DGKB: variants seen among roughly 807,000 people sequenced by gnomAD.
DGKB encodes the protein diacylglycerol kinase beta.
A neutral mutation model predicts 114.3 loss-of-function variants in DGKB; 67 were observed. The ratio of observed to expected loss-of-function variants is 0.59; its 90% CI spans 0.48 to 0.72. The LOEUF is 0.72. DGKB is among the 30% of genes least tolerant of loss of function. The pLI is 0.00. For synonymous variants in DGKB, 398 were observed against 323.1 expected (o/e 1.23, Z -2.49); for missense variants, 907 against 975.2 (o/e 0.93, Z 0.93).
chr7:14,522,079 G>C (rs1345607356), intron 20 of DGKB, among the ~76,000 whole-genome samples: 1 of 152,040 alleles, frequency 6.6e-6, no homozygotes, highest in Non-Finnish European at 1.5e-5. Context: ...GTTACACATA[G>C]CTTAGCGTTC....
chr7:14,162,248 T>G, intron 25 of DGKB, among the ~76,000 whole-genome samples: 1 of 152,214 alleles, frequency 6.6e-6, no homozygotes, highest in Non-Finnish European at 1.5e-5. Context: ...GAAAGATTTC[T>G]AACTGCTAAA....
chr7:14,412,507 G>A (rs539707805), intron 21 of DGKB, among the ~76,000 whole-genome samples: 16 of 152,286 alleles, frequency 1.1e-4, no homozygotes, highest in Non-Finnish European at 2.2e-4. Flanking sequence ...AGGAGCAAAG[G>A]AATTTGGTGT....
chr7:14,681,121 AC>A (rs1016853681), intron 12 of DGKB, among the ~76,000 whole-genome samples: 1 of 149,892 alleles, frequency 6.7e-6, no homozygotes, highest in African/African-American at 2.4e-5. Context: ...AAAAAAAAAA[AC>A]TGGTTTTTAA....
At chr7:14,444,435 A>G (rs1016158123) in intron 21 of DGKB, among the ~76,000 whole-genome samples, 2 of 151,790 alleles carry the variant, frequency 1.3e-5, no homozygotes, top group African/African-American at 2.4e-5. Context: ...AACATTATAT[A>G]ATAGTTGACA....
intron 2 of DGKB, among the ~76,000 whole-genome samples, chr7:14,766,794 C>T (rs1213598513): frequency 6.6e-6 from 1 of 151,804 alleles, no homozygotes; most frequent in Non-Finnish European, 1.5e-5. Context: ...GAGATGCAAT[C>T]TGCTAGGAAA....
intron 23 of DGKB, among the ~76,000 whole-genome samples, chr7:14,327,768 A>G (rs779120457): frequency 1.3e-5 from 2 of 152,160 alleles, no homozygotes; most frequent in South Asian, 2.1e-4. Flanking sequence ...AAAAAAAGAC[A>G]ACAATACCGA....
chr7:14,746,498 C>T (rs938028149), intron 4 of DGKB, among the ~76,000 whole-genome samples: 2 of 151,866 alleles, frequency 1.3e-5, no homozygotes, highest in Non-Finnish European at 2.9e-5. Flanking sequence ...TTTAATTTTC[C>T]TTTTTTTATT....
intron 23 of DGKB, among the ~76,000 whole-genome samples, chr7:14,268,135 T>C (rs1324376940): frequency 1.3e-5 from 2 of 152,032 alleles, no homozygotes; most frequent in Non-Finnish European, 2.9e-5. Context: ...CTAACCACTA[T>C]ATAGAACTAC....
chr7:14,234,030 G>C (rs1792357430), intron 23 of DGKB, among the ~76,000 whole-genome samples: 1 of 152,054 alleles, frequency 6.6e-6, no homozygotes, highest in African/African-American at 2.4e-5. Context: ...TGGTATCTTT[G>C]TGGTCCCCCT....
At chr7:14,193,184 A>G (rs1455102910) in intron 23 of DGKB, among the ~76,000 whole-genome samples, 2 of 152,092 alleles carry the variant, frequency 1.3e-5, no homozygotes, top group African/African-American at 2.4e-5. Flanking sequence ...TAGAAAAAAA[A>G]AAAAACAACT....
At chr7:14,755,775 T>G (rs1834783053) in intron 3 of DGKB, among the ~76,000 whole-genome samples, 1 of 152,150 alleles carries the variant, frequency 6.6e-6, no homozygotes, top group Non-Finnish European at 1.5e-5. Context: ...AATGGTTATA[T>G]AAGCCTTAAA....
chr7:14,307,490 TG>T (rs2128499083), intron 23 of DGKB, among the ~76,000 whole-genome samples: 1 of 152,320 alleles, frequency 6.6e-6, no homozygotes, highest in East Asian at 1.9e-4. Context: ...AAATGAAAGA[TG>T]AGCAGTTCGC....
chr7:14,929,861 C>T lies in DGKB; in HGVS notation c.-188+44835G>A, dbSNP rs144893479. Among the ~76,000 whole-genome samples the T allele has an allele frequency of 5.6e-3, 852 of 152,128 alleles. 11 individuals carry two copies. Among genetic ancestry groups the T allele is most frequent in the African/African-American group, 0.02 (821 of 41,512 alleles). On this transcript the variant is annotated intron_variant, in intron 1 of 4. Transcript: ENST00000437998. ...AGTATTATTGTAGTTTATGGTCTTA[C>T]GTTTAAGTCTTTAATCCATTTTGAG...
intron 2 of DGKB, among the ~76,000 whole-genome samples, chr7:14,811,375 G>A (rs1274929946): frequency 6.6e-6 from 1 of 152,086 alleles, no homozygotes; most frequent in Non-Finnish European, 1.5e-5. Context: ...ACCTGGCCTA[G>A]TAACAGGAAG....
At chr7:14,231,067 ATTCTTTCTTCTTTCCCTTTCTTTCT>A (rs1562683557) in intron 23 of DGKB, among the ~76,000 whole-genome samples, 1 of 150,452 alleles carries the variant, frequency 6.6e-6, no homozygotes, top group East Asian at 2.0e-4. Flanking sequence ...AAGGTTAAAA[ATTCTTTCTTCTTTCCCTTTCTTTCT>A]TTCTTTCTTT....
intron 1 of DGKB, among the ~76,000 whole-genome samples, chr7:14,857,554 TA>T (rs1850364021): frequency 6.6e-6 from 1 of 152,142 alleles, no homozygotes; most frequent in South Asian, 2.1e-4. Flanking sequence ...CATAAAGTAA[TA>T]GAATGTTTAT....
intron 21 of DGKB, among the ~76,000 whole-genome samples, chr7:14,400,501 A>G (rs947032191): frequency 4.0e-5 from 6 of 151,836 alleles, no homozygotes; most frequent in Non-Finnish European, 7.4e-5. Context: ...ATAGCATTAG[A>G]GCAAGACTAA....
intron 23 of DGKB, among the ~76,000 whole-genome samples, chr7:14,335,256 T>C (rs1810439951): frequency 6.6e-6 from 1 of 152,120 alleles, no homozygotes; most frequent in Non-Finnish European, 1.5e-5. Context: ...TGGACTATGA[T>C]ATTTCTTTAA....
intron 1 of DGKB, among the ~76,000 whole-genome samples, chr7:14,947,870 T>C (rs1785968449): frequency 6.6e-6 from 1 of 151,726 alleles, no homozygotes; most frequent in African/African-American, 2.4e-5. Context: ...TACTTATTCT[T>C]ATTCTTTCCA....
Sources: gnomAD v4.1 joint callset for allele counts (sites outside exome capture counted in the v4.1 genomes callset) on GRCh38, gnomAD v4.1.1 for gene constraint, MANE v1.5 for transcripts, NCBI Gene and HGNC (gene_info 2026-07-23, HGNC 2026-07-21) for gene names.